The following DOCK5 variants were observed in gnomAD, a reference collection of about 807,000 sequenced individuals.
DOCK5 encodes the protein dedicator of cytokinesis 5.
In DOCK5, 142 loss-of-function variants were observed where a neutral mutation model predicts 251.8. The observed-to-expected ratio is 0.56, with a 90% confidence interval of 0.49 to 0.65. DOCK5 has a LOEUF of 0.65. Among genes scored for constraint, DOCK5 ranks in the 30% least tolerant of loss-of-function variants. The pLI, the probability that DOCK5 is intolerant of heterozygous loss-of-function variation, is 0.00. For synonymous variants in DOCK5, 842 were observed against 835.5 expected (o/e 1.01, Z -0.13); for missense variants, 2,111 against 2,312.3 (o/e 0.91, Z 1.79).
intron 5 of DOCK5, among the ~76,000 whole-genome samples, chr8:25,285,597 G>A (rs1804311570): frequency 6.6e-6 from 1 of 152,186 alleles, no homozygotes; most frequent in Non-Finnish European, 1.5e-5. Flanking sequence ...AGAGGGGGTA[G>A]GGGAACTTGC....
intron 28 of DOCK5, among the ~76,000 whole-genome samples, chr8:25,362,346 CAGAGGAAGAA>C: frequency 6.6e-6 from 1 of 152,142 alleles, no homozygotes; most frequent in South Asian, 2.1e-4. Flanking sequence ...CCTGTGGCAG[CAGAGGAAGAA>C]AGAGATAAGG....
chr8:25,275,842 A>C (rs1449463436), intron 4 of DOCK5, among the ~76,000 whole-genome samples: 1 of 152,164 alleles, frequency 6.6e-6, no homozygotes, highest in Non-Finnish European at 1.5e-5. Context: ...TCTCAAAAAA[A>C]AATAAAATTA....
chr8:25,204,168 T>G (rs1288241333), intron 1 of DOCK5, among the ~76,000 whole-genome samples: 3 of 152,210 alleles, frequency 2.0e-5, no homozygotes, highest in Admixed American at 6.5e-5. Context: ...TTGGATGAAT[T>G]ATAGACTTCA....
intron 1 of DOCK5, among the ~76,000 whole-genome samples, chr8:25,198,392 T>C (rs1182258224): frequency 1.3e-5 from 2 of 152,068 alleles, no homozygotes; most frequent in Non-Finnish European, 2.9e-5. Flanking sequence ...GCCAACATGG[T>C]GAAACCCCAT....
intron 2 of DOCK5, among the ~76,000 whole-genome samples, chr8:25,260,770 A>G (rs6996059): frequency 0.029 from 4,417 of 152,034 alleles, 193 homozygotes; most frequent in African/African-American, 0.096. Flanking sequence ...GTACATCCTC[A>G]GAGAGACAAT....
chr8:25,283,110 A>T (rs1804243772), intron 5 of DOCK5, among the ~76,000 whole-genome samples: 1 of 152,174 alleles, frequency 6.6e-6, no homozygotes, highest in South Asian at 2.1e-4. Context: ...TACGGTAACC[A>T]TGTAGAATAA....
In DOCK5 at chr8:25,308,728, T is replaced by C. The variant is rs1163412555; in HGVS notation, c.1050-55T>C. ...GACTCACCATTATCTGAGGTTGTGC[T>C]GCAGAGACTTCCTTTCTCCCCCTCC... On this transcript the variant is annotated intron_variant, in intron 11 of 51. Coordinates refer to ENST00000276440, the MANE Select transcript of DOCK5 (RefSeq NM_024940.8). The C allele has an allele frequency of 3.8e-6, 6 of 1,596,696 alleles. No homozygotes were observed. In the East Asian group the frequency reaches 1.3e-4, roughly 36 times the overall value.
At chr8:25,216,255 A>C in intron 1 of DOCK5, among the ~76,000 whole-genome samples, 1 of 19,852 alleles carries the variant, frequency 5.0e-5, no homozygotes, top group East Asian at 1.5e-3. Flanking sequence ...CAATATGTAT[A>C]TATGTATACA....
chr8:25,353,680 T>C (rs907875448), intron 27 of DOCK5, among the ~76,000 whole-genome samples: 10 of 152,142 alleles, frequency 6.6e-5, no homozygotes, highest in African/African-American at 2.4e-4. Context: ...AAATAAAATC[T>C]ATAGCTTAAC....
At chr8:25,340,787 A>G in intron 22 of DOCK5, 90 bp from the exon 23 acceptor site, 1 of 1,012,874 alleles carries the variant, frequency 9.9e-7, no homozygotes, top group Non-Finnish European at 1.5e-6. Context: ...GGGTGATACG[A>G]TGAAGGAGAA....
intron 22 of DOCK5, among the ~76,000 whole-genome samples, chr8:25,340,030 G>A (rs1422058300): frequency 1.3e-5 from 2 of 152,152 alleles, no homozygotes; most frequent in Non-Finnish European, 2.9e-5. Flanking sequence ...ATGGGGCAAT[G>A]AGAGAAAGAG....
chr8:25,320,808 A>G, intron 15 of DOCK5, among the ~76,000 whole-genome samples, 172 bp from the exon 16 acceptor site: 1 of 152,204 alleles, frequency 6.6e-6, no homozygotes, highest in East Asian at 1.9e-4. Flanking sequence ...ATGATCTGAG[A>G]TTCTTTTGAT....
In DOCK5 at chr8:25,317,048, G is replaced by C; in HGVS notation, c.1360G>C (p.Glu454Gln). 1.2e-6 allele frequency: 2 copies of C among 1,614,002 alleles called. No homozygotes were observed. Among genetic ancestry groups the C allele is most frequent in the Non-Finnish European group, 1.7e-6 (2 of 1,179,870 alleles). Residue 454 changes from glutamate to glutamine, a missense_variant, in exon 14 of 52, where the codon GAG becomes CAG. Physicochemically the swap from Glu to Gln is conservative, Grantham distance 29. Transcript: ENST00000276440. ...NDIYVTLIHG[E>Q]FDKGKKKTPK... ...CATTTATGTCACCCTGATCCACGGT[G>C]AGTTTGACAAAGGGAAGAAGAAGAC...
intron 5 of DOCK5, among the ~76,000 whole-genome samples, chr8:25,281,439 C>A (rs1242669940): frequency 9.6e-5 from 13 of 135,660 alleles, no homozygotes; most frequent in African/African-American, 3.4e-4. Context: ...AACTCCGTCT[C>A]AAAAAAAAAA....
chr8:25,345,446 G>A (rs1008827646), intron 25 of DOCK5, 29 bp from the exon 26 acceptor site: 2 of 1,611,796 alleles, frequency 1.2e-6, no homozygotes, highest in Non-Finnish European at 1.7e-6. Context: ...GCACTGCTGT[G>A]TGTGAGCTGT....
intron 28 of DOCK5, among the ~76,000 whole-genome samples, chr8:25,362,462 C>CTTTTTTTTT (rs869096662): frequency 1.7e-3 from 93 of 54,596 alleles, no homozygotes; most frequent in South Asian, 2.1e-3. Context: ...CTTTTCTTTT[C>CTTTTTTTTT]TTTTTTTTTT....
chr8:25,266,879 G>A (rs937097554), intron 2 of DOCK5, among the ~76,000 whole-genome samples: 1 of 152,108 alleles, frequency 6.6e-6, no homozygotes, highest in Admixed American at 6.5e-5. Flanking sequence ...GGCTTAGGAA[G>A]CATAATTCCG....
chr8:25,235,019 C>T (rs1426445199), intron 1 of DOCK5, among the ~76,000 whole-genome samples: 1 of 151,986 alleles, frequency 6.6e-6, no homozygotes, highest in Non-Finnish European at 1.5e-5. Flanking sequence ...CTGGACACGG[C>T]GAGAAAGGGG....
chr8:25,367,320 C>T (rs962397299), intron 31 of DOCK5, among the ~76,000 whole-genome samples: 3 of 152,198 alleles, frequency 2.0e-5, no homozygotes, highest in Non-Finnish European at 2.9e-5. Flanking sequence ...TCACAAAGCA[C>T]ACTCCTTCAG....
Sources: allele counts gnomAD v4.1 joint callset (sites outside exome capture counted in the v4.1 genomes callset), GRCh38; gene constraint gnomAD v4.1.1; transcripts MANE v1.5; gene names NCBI Gene and HGNC (gene_info 2026-07-23, HGNC 2026-07-21).